The following TAFA1 variants were observed in gnomAD, a reference collection of about 807,000 sequenced individuals.
TAFA1 encodes TAFA chemokine like family member 1, also known as chemokine-like protein TAFA-1.
In TAFA1, 4 loss-of-function variants were observed where a neutral mutation model predicts 18.5. That is an observed-to-expected ratio of 0.22 (90% CI 0.11 to 0.49). TAFA1 has a LOEUF of 0.49. Among genes scored for constraint, TAFA1 ranks in the 20% least tolerant of loss-of-function variants. The probability of loss-of-function intolerance (pLI) is 0.98; values close to 1 mark genes in which losing one functional copy is unlikely to be tolerated. For missense variants in TAFA1, 147 were observed against 169.0 expected (o/e 0.87, Z 0.72); for synonymous variants, 56 against 55.2 (o/e 1.01, Z -0.06).
Position 68,212,166 on chromosome 3 carries a change from C to T in TAFA1, c.119-205114C>T, listed in dbSNP as rs113959837. The stretch of plus-strand genomic sequence containing the variant: ...TGAGTATGAGCCTGTAATATGAAGA[C>T]GGGAAGCTGCTTGGGGAGAGGAGGG... On this transcript the variant is annotated intron_variant, in intron 2 of 4. Transcript: ENST00000478136. Among the ~76,000 whole-genome samples, 245 of 150,678 alleles carry T rather than the reference C, an allele frequency of 1.6e-3. 1 individual carries two copies. Among genetic ancestry groups the T allele is most frequent in the Middle Eastern group, 3.4e-3 (1 of 294 alleles).
upstream of TAFA1, among the ~76,000 whole-genome samples, chr3:68,001,475 T>C (rs1289045109): frequency 6.6e-6 from 1 of 152,196 alleles, no homozygotes; most frequent in East Asian, 1.9e-4. Context: ...GCCAGTTTGA[T>C]AGAAAATGAT....
intron 2 of TAFA1, among the ~76,000 whole-genome samples, chr3:68,263,392 A>C (rs1396752173): frequency 6.6e-6 from 1 of 151,118 alleles, no homozygotes; most frequent in Non-Finnish European, 1.5e-5. Flanking sequence ...TTTCATGTTC[A>C]AAATTTGACT....
At chr3:68,469,531 G>T (rs1452386547) in intron 3 of TAFA1, among the ~76,000 whole-genome samples, 1 of 152,062 alleles carries the variant, frequency 6.6e-6, no homozygotes, top group African/African-American at 2.4e-5. Flanking sequence ...AAATTAGCTG[G>T]GCGTGGTGGC....
intron 3 of TAFA1, among the ~76,000 whole-genome samples, chr3:68,462,299 G>A (rs2071799236): frequency 6.6e-6 from 1 of 152,098 alleles, no homozygotes; most frequent in African/African-American, 2.4e-5. Context: ...GCGCGGGATG[G>A]ACCTGGTGAG....
Position 68,499,914 on chromosome 3 carries a change from T to A in TAFA1, c.260-38842T>A, listed in dbSNP as rs1438633482. Among the ~76,000 whole-genome samples the A allele has an allele frequency of 2.0e-5, 3 of 150,092 alleles. No individual in the cohort carries two copies. In the East Asian group the frequency reaches 5.9e-4, roughly 29 times the overall value. ...AAGGAATTGTAGTCTTATATTCAAG[T>A]AAAGTCCAGGGATAAAGCTTATTAG... is the stretch of plus-strand genomic sequence containing the variant. On this transcript the variant is annotated intron_variant, in intron 3 of 4. Transcript: ENST00000478136.
intron 2 of TAFA1, among the ~76,000 whole-genome samples, chr3:68,340,738 A>T (rs932150810): frequency 6.6e-6 from 1 of 152,162 alleles, no homozygotes; most frequent in Non-Finnish European, 1.5e-5. Flanking sequence ...TAATTCAAGT[A>T]CTGAGCATTG....
intron 2 of TAFA1, among the ~76,000 whole-genome samples, chr3:68,394,574 C>A (rs1325278275): frequency 6.6e-6 from 1 of 152,072 alleles, no homozygotes; most frequent in East Asian, 1.9e-4. Flanking sequence ...CTACAGTAAC[C>A]AAAACAGCAT....
chr3:68,458,716 A>C (rs1021916786), intron 3 of TAFA1, among the ~76,000 whole-genome samples: 9 of 152,300 alleles, frequency 5.9e-5, no homozygotes, highest in Middle Eastern at 6.8e-3. Context: ...TTCCATATGA[A>C]GGTCACTTTG....
intron 2 of TAFA1, among the ~76,000 whole-genome samples, chr3:68,166,045 C>T (rs2065978077): frequency 6.6e-6 from 1 of 152,174 alleles, no homozygotes; most frequent in Non-Finnish European, 1.5e-5. Context: ...TGTGAGTAGA[C>T]ATAGCAATGC....
chr3:68,358,609 G>A (rs2069410073), intron 2 of TAFA1, among the ~76,000 whole-genome samples: 1 of 151,854 alleles, frequency 6.6e-6, no homozygotes, highest in African/African-American at 2.4e-5. Flanking sequence ...TAGACTGATT[G>A]TCTTTCCCCC....
chr3:68,009,355 C>T (rs1704426322), intron 2 of TAFA1, among the ~76,000 whole-genome samples: 2 of 152,130 alleles, frequency 1.3e-5, no homozygotes, highest in Admixed American at 6.5e-5. Context: ...GTTAAAATAC[C>T]GTAGTTTAAA....
intron 2 of TAFA1, among the ~76,000 whole-genome samples, chr3:68,125,937 T>C (rs1312990587): frequency 6.6e-6 from 1 of 152,156 alleles, no homozygotes; most frequent in Admixed American, 6.5e-5. Flanking sequence ...AGGTAGATGA[T>C]TCTAGAAAGT....
chr3:68,460,804 G>A (rs923488972), intron 3 of TAFA1, among the ~76,000 whole-genome samples: 2 of 152,204 alleles, frequency 1.3e-5, no homozygotes, highest in East Asian at 1.9e-4. Flanking sequence ...CAAGTTCCCA[G>A]GTGATGCTGA....
intron 2 of TAFA1, among the ~76,000 whole-genome samples, chr3:68,107,057 T>C (rs2106828563): frequency 6.6e-6 from 1 of 152,244 alleles, no homozygotes; most frequent in East Asian, 1.9e-4. Flanking sequence ...TTTACCATAT[T>C]ACTAGCATTG....
intron 2 of TAFA1, among the ~76,000 whole-genome samples, chr3:68,193,703 T>G (rs1280095555): frequency 6.6e-6 from 1 of 151,840 alleles, no homozygotes; most frequent in Non-Finnish European, 1.5e-5. Context: ...ATTCTGTTTT[T>G]CACATTTTTC....
At chr3:68,280,018 T>C (rs1420631549) in intron 2 of TAFA1, among the ~76,000 whole-genome samples, 1 of 152,190 alleles carries the variant, frequency 6.6e-6, no homozygotes, top group African/African-American at 2.4e-5. Flanking sequence ...AATTCTTGTA[T>C]TCCCAAATTA....
At chr3:68,258,537 T>C (rs963766644) in intron 2 of TAFA1, among the ~76,000 whole-genome samples, 1 of 152,204 alleles carries the variant, frequency 6.6e-6, no homozygotes, top group Non-Finnish European at 1.5e-5. Flanking sequence ...TGTGTGACTT[T>C]AAGTCGTTCT....
chr3:68,159,344 G>A (rs1040885231), intron 2 of TAFA1, among the ~76,000 whole-genome samples: 8 of 151,970 alleles, frequency 5.3e-5, no homozygotes, highest in African/African-American at 1.5e-4. Flanking sequence ...TTAAAATTCC[G>A]CAAATTGTGC....
chr3:68,500,669 C>T (rs913400803), intron 3 of TAFA1, among the ~76,000 whole-genome samples: 14 of 150,992 alleles, frequency 9.3e-5, no homozygotes, highest in African/African-American at 3.2e-4. Flanking sequence ...GAGTATGTGA[C>T]GTACAAGGCT....
Sources: gnomAD v4.1 joint callset for allele counts (sites outside exome capture counted in the v4.1 genomes callset) on GRCh38, gnomAD v4.1.1 for gene constraint, MANE v1.5 for transcripts, NCBI Gene and HGNC (gene_info 2026-07-23, HGNC 2026-07-21) for gene names.